MIER1: variants seen among roughly 807,000 people sequenced by gnomAD.
MIER1 encodes mesoderm induction early response protein 1.
Under a neutral mutation model 75.7 loss-of-function variants are expected in MIER1, and 40 were observed. That is an observed-to-expected ratio of 0.53 (90% CI 0.41 to 0.69). The LOEUF (loss-of-function observed/expected upper bound fraction) is 0.69, where lower values mean the gene tolerates loss of function less well. Among genes scored for constraint, MIER1 ranks in the 30% least tolerant of loss-of-function variants. MIER1 has a pLI of 0.00. For synonymous variants in MIER1, 213 were observed against 223.4 expected (o/e 0.95, Z 0.42); for missense variants, 574 against 680.2 (o/e 0.84, Z 1.74).
chr1:66,926,055 T>C (rs747452688), intron 1 of MIER1, 87 bp from the exon 2 acceptor site: 40 of 1,064,676 alleles, frequency 3.8e-5, no homozygotes, highest in Non-Finnish European at 5.2e-5. Flanking sequence ...CCGACCATCT[T>C]TTTAAAAATG....
chr1:66,954,872 A>C (rs1012595310), intron 4 of MIER1, among the ~76,000 whole-genome samples: 2 of 151,810 alleles, frequency 1.3e-5, no homozygotes, highest in African/African-American at 4.8e-5. Flanking sequence ...ATGCCTGGCT[A>C]ATTGTTTTGT....
rs749078889 is a variant in MIER1 at position 66,973,028 on chromosome 1, T to A, written c.1101+37T>A. The A allele has an allele frequency of 3.5e-6, 4 of 1,134,092 alleles. No individual in the cohort carries two copies. In the East Asian group the frequency reaches 9.5e-5, roughly 27 times the overall value. The allele number at this position is 1,134,092 out of a possible 1,614,324, so 70.3% of individuals were successfully genotyped here. A position where few individuals can be genotyped will look rare whatever the true frequency, so the allele number is the denominator to read the frequency against. On this transcript the variant is annotated intron_variant, in intron 11 of 13. Transcript: ENST00000401041. ...TAATCTCTTTTTTGCAAAAAGAAAT[T>A]TAGTTGAACAACTCAAATGGTCATG...
rs776151963 is a variant in MIER1 at position 66,981,791 on chromosome 1, T to C, written c.1242T>C (p.Asp414=). The C allele has an allele frequency of 2.5e-6, 4 of 1,613,310 alleles. No individual in the cohort carries two copies. In the South Asian group the frequency reaches 4.4e-5, roughly 18 times the overall value. The change falls in exon 13 of 14, where the codon GAT becomes GAC. Residue 414 remains aspartate, a synonymous_variant. Coordinates refer to ENST00000401041, the MANE Select transcript of MIER1 (RefSeq NM_001077700.3). ...TATTAATTTTAAGGGATTACATGGA[T>C]CGTCTTCTAGACGAAAGTGAAAGTG... ...NLHPGVTDYM[D]RLLDESESAA...
At chr1:66,960,677 T>A (rs1348460438) in intron 7 of MIER1, among the ~76,000 whole-genome samples, 2 of 152,166 alleles carry the variant, frequency 1.3e-5, no homozygotes, top group East Asian at 1.9e-4. Context: ...TAGAACTGGT[T>A]AAAACAAAGA....
chr1:66,930,166 C>T, intron 2 of MIER1: 2 of 1,265,606 alleles, frequency 1.6e-6, no homozygotes, highest in Non-Finnish European at 1.0e-6. Context: ...GGCGCGTGCT[C>T]GCTGGTCTTT....
At chr1:66,951,289 C>T (rs533012980) in intron 4 of MIER1, among the ~76,000 whole-genome samples, 6 of 152,196 alleles carry the variant, frequency 3.9e-5, no homozygotes, top group East Asian at 1.9e-4. Flanking sequence ...CCACTATGCC[C>T]GGCTAATTTT....
Position 66,925,049 on chromosome 1 carries a change from CGG to C in MIER1, c.22_23del (p.Gly8TrpfsTer27). 6.5e-7 allele frequency: 1 copy of C among 1,549,306 alleles called. No homozygotes were observed. The highest frequency in any genetic ancestry group is 1.2e-5 in the South Asian group (1 of 84,236). On this transcript the variant is annotated frameshift_variant, in exon 1 of 14. Transcript: ENST00000401041. LOFTEE classifies it high-confidence loss of function. MDGASSG[G>X]GGSSEGGGGS... is the part of the protein sequence containing the mutation. ...GGCGGATGGATGGGGCTTCTTCAGG[CGG>C]TGGCGGCAGCAGCGAAGGTGGCGGC...
intron 8 of MIER1, among the ~76,000 whole-genome samples, chr1:66,967,760 A>C (rs1662727543): frequency 6.6e-6 from 1 of 150,946 alleles, no homozygotes; most frequent in Admixed American, 6.6e-5. Flanking sequence ...ATTTGTGGCT[A>C]TCTTAAATGG....
At chr1:66,959,784 TA>T (rs1660882397) in intron 7 of MIER1, 41 bp downstream of exon 7, 1 of 1,032,432 alleles carries the variant, frequency 9.7e-7, no homozygotes, top group South Asian at 1.9e-5. Context: ...GATAAATTAA[TA>T]TTTTTTTAAA....
chr1:66,969,977 C>CAGTCTTTGAAGCT (rs1663279046), intron 8 of MIER1, among the ~76,000 whole-genome samples: 1 of 152,150 alleles, frequency 6.6e-6, no homozygotes, highest in African/African-American at 2.4e-5. Flanking sequence ...AGAATTTAAC[C>CAGTCTTTGAAGCT]AGTCTTTGAA....
chr1:66,983,084 G>T (rs1666218906), intron 13 of MIER1, among the ~76,000 whole-genome samples: 1 of 152,164 alleles, frequency 6.6e-6, no homozygotes, highest in African/African-American at 2.4e-5. Flanking sequence ...CTAGGAAAGT[G>T]TTCATAAGTT....
chr1:66,956,300 A>C (rs1384804025), intron 4 of MIER1, among the ~76,000 whole-genome samples: 1 of 152,146 alleles, frequency 6.6e-6, no homozygotes, highest in Non-Finnish European at 1.5e-5. Flanking sequence ...GCACATGTAT[A>C]GTCCCAGATA....
intron 11 of MIER1, among the ~76,000 whole-genome samples, chr1:66,974,537 T>C (rs1228317778): frequency 6.6e-6 from 1 of 152,066 alleles, no homozygotes; most frequent in Non-Finnish European, 1.5e-5. Context: ...AATGATAGCT[T>C]ATGTAACAAG....
At chr1:66,925,719 A>T (rs1480069768) in intron 1 of MIER1, among the ~76,000 whole-genome samples, 2 of 152,096 alleles carry the variant, frequency 1.3e-5, no homozygotes, top group Non-Finnish European at 2.9e-5. Flanking sequence ...CCTGGCCTGG[A>T]GCCTATCTGT....
At chr1:66,930,184 A>G in intron 2 of MIER1, 1 of 1,331,106 alleles carries the variant, frequency 7.5e-7, no homozygotes, top group Non-Finnish European at 9.6e-7. Context: ...TTTTCCCTCC[A>G]GTCCAGCCCA....
At chr1:66,947,786 C>G (rs1658009263) in intron 4 of MIER1, 2 of 295,096 alleles carry the variant, frequency 6.8e-6, no homozygotes, top group Non-Finnish European at 1.0e-5. Context: ...TGATAATGGC[C>G]TCTTACCCAT....
chr1:66,972,244 A>C (rs1312800314), intron 10 of MIER1, among the ~76,000 whole-genome samples: 1 of 64,424 alleles, frequency 1.6e-5, no homozygotes, highest in African/African-American at 9.5e-5. Flanking sequence ...ACATATATAT[A>C]TATATATATA....
At chr1:66,951,256 G>A (rs72673717) in intron 4 of MIER1, among the ~76,000 whole-genome samples, 5,976 of 152,154 alleles carry the variant, frequency 0.039, 146 homozygotes, top group Non-Finnish European at 0.054. Flanking sequence ...CACCTCCCAC[G>A]TAGCTGGGAC....
At chr1:66,978,089 G>A (rs1287078310) in intron 12 of MIER1, among the ~76,000 whole-genome samples, 1 of 151,768 alleles carries the variant, frequency 6.6e-6, no homozygotes, top group Non-Finnish European at 1.5e-5. Flanking sequence ...TCAGCTACTC[G>A]GGAGACTGAG....
Sources: gnomAD v4.1 joint callset for allele counts (sites outside exome capture counted in the v4.1 genomes callset) on GRCh38, gnomAD v4.1.1 for gene constraint, MANE v1.5 for transcripts, NCBI Gene and HGNC (gene_info 2026-07-23, HGNC 2026-07-21) for gene names.